CABP1: variants seen among roughly 807,000 people sequenced by gnomAD.
CABP1 encodes calcium-binding protein 1.
In CABP1, 17 loss-of-function variants were observed where a neutral mutation model predicts 34.3. That is an observed-to-expected ratio of 0.50 (90% confidence interval 0.34 to 0.74). The LOEUF is 0.74. CABP1 is among the 30% of genes least tolerant of loss of function. The pLI is 0.01. For missense variants in CABP1, 373 were observed against 511.1 expected, an observed-to-expected ratio of 0.73 and a Z score of 2.61; for synonymous variants, 198 against 229.2, an observed-to-expected ratio of 0.86 and a Z score of 1.23.
rs777033084 is a variant in CABP1, at chr12:120,660,846, G to A, written c.939+6G>A. 31 of 1,599,348 alleles carry A rather than the reference G, an allele frequency of 1.9e-5. No individual in the cohort carries two copies. Among genetic ancestry groups the A allele is most frequent in the East Asian group, 4.5e-5 (2 of 44,814 alleles). ...TGCGAGATGCTTTCCGAGAGGTAACGGACAGAGGCAGGCAGGCATGGGGCG... is the reference window on the plus strand; with the variant it reads ...TGCGAGATGCTTTCCGAGAGGTAACAGACAGAGGCAGGCAGGCATGGGGCG... On this transcript the variant is annotated splice_donor_region_variant and intron_variant, in intron 4 of 5. Coordinates refer to ENST00000316803, the MANE Select transcript of CABP1 (RefSeq NM_001033677.2). This position sits in a 1 kb window ranked among gnomAD's most constrained non-coding sequence, Gnocchi z 5.0.
chr12:120,655,660 T>A, intron 1 of CABP1: 1 of 1,422,518 alleles, frequency 7.0e-7, no homozygotes, highest in Non-Finnish European at 9.2e-7. Flanking sequence ...GACTTAGCCC[T>A]GGAGATTGAC....
chr12:120,652,603 C>T (rs1879915492), intron 1 of CABP1, among the ~76,000 whole-genome samples: 1 of 152,058 alleles, frequency 6.6e-6, no homozygotes, highest in African/African-American at 2.4e-5. Context: ...TCTCTCTTTC[C>T]CCTGCTGTCA....
rs1273472650 is a variant in CABP1 at position 120,667,154 on chromosome 12, G to A, written c.*254G>A. ...CAAGCCGGCAGAGGTCATGCCAGGC[G>A]CCAAGGGCCATGTGCCCAGCTGCTG... On this transcript the variant is annotated 3_prime_UTR_variant, in exon 6 of 6. Coordinates refer to ENST00000316803, the MANE Select transcript of CABP1 (RefSeq NM_001033677.2). The A allele has an allele frequency of 4.4e-5, 25 of 574,684 alleles. No individual in the cohort carries two copies. Among genetic ancestry groups the A allele is most frequent in the African/African-American group, 7.5e-5 (4 of 53,180 alleles). The allele number at this position is 574,684 out of a possible 1,614,324, so 35.6% of individuals were successfully genotyped here.
chr12:120,663,387 G>A (rs1432138070), intron 5 of CABP1, among the ~76,000 whole-genome samples: 1 of 152,010 alleles, frequency 6.6e-6, no homozygotes, highest in Non-Finnish European at 1.5e-5. Context: ...TGATTCTTGT[G>A]GCTCAGCCTC....
intron 1 of CABP1, among the ~76,000 whole-genome samples, chr12:120,649,878 A>G (rs1212015796): frequency 6.6e-6 from 1 of 152,090 alleles, no homozygotes; most frequent in Admixed American, 6.5e-5. Context: ...CAGGCTCTCG[A>G]CTGGAGCCGC....
chr12:120,668,235 G>A (rs1178646577), downstream of CABP1, among the ~76,000 whole-genome samples: 1 of 152,226 alleles, frequency 6.6e-6, no homozygotes, highest in Non-Finnish European at 1.5e-5. Flanking sequence ...CGTGGCTCAT[G>A]CCTGTAATCC....
chr12:120,668,673 G>A (rs1881134630), downstream of CABP1, among the ~76,000 whole-genome samples: 1 of 152,200 alleles, frequency 6.6e-6, no homozygotes, highest in Non-Finnish European at 1.5e-5. Context: ...GCACACCCCA[G>A]GGACTGCTAT....
At chr12:120,665,644 G>A (rs1424736833) in intron 5 of CABP1, among the ~76,000 whole-genome samples, 1 of 152,032 alleles carries the variant, frequency 6.6e-6, no homozygotes, top group African/African-American at 2.4e-5. Flanking sequence ...GGGAGGCTAT[G>A]CGTATGCGGG....
chr12:120,668,059 G>C (rs573060932), downstream of CABP1, among the ~76,000 whole-genome samples: 11 of 152,198 alleles, frequency 7.2e-5, no homozygotes, highest in Non-Finnish European at 1.3e-4. Context: ...CTGCTATTGA[G>C]GAAAAATATA....
intron 1 of CABP1, chr12:120,659,622 GCACAGAGGTTCTGTGCC>G (rs1880494539): frequency 2.2e-6 from 1 of 449,618 alleles, no homozygotes; most frequent in Non-Finnish European, 4.0e-6. Flanking sequence ...GGGGCTGGAG[GCACAGAGGTTCTGTGCC>G]CAGGCTGGTG....
chr12:120,669,489 A>G (rs1010576440), downstream of CABP1, among the ~76,000 whole-genome samples: 3 of 152,224 alleles, frequency 2.0e-5, no homozygotes, highest in Non-Finnish European at 4.4e-5. Context: ...ACCACTCAGG[A>G]TAGACTTAGG....
chr12:120,647,718 C>T (rs145857195), intron 1 of CABP1, among the ~76,000 whole-genome samples: 657 of 150,908 alleles, frequency 4.4e-3, no homozygotes, highest in Middle Eastern at 0.024. Context: ...CAGGCACCTG[C>T]CACCACGCCC....
the CABP1 span, among the ~76,000 whole-genome samples, chr12:120,679,096 A>C: frequency 1.4e-5 from 2 of 145,782 alleles, no homozygotes; most frequent in South Asian, 2.2e-4. Context: ...AAAAAAAACC[A>C]ACTTTAATTT....
chr12:120,641,813 C>T lies in CABP1; in HGVS notation c.654+474C>T, dbSNP rs1879345939. 6.6e-6 allele frequency among the ~76,000 whole-genome samples: 1 copy of T among 152,180 alleles called. No individual in the cohort carries two copies. The highest frequency in any genetic ancestry group is 1.5e-5 in the Non-Finnish European group (1 of 68,026). On this transcript the variant is annotated intron_variant, in intron 1 of 5. Transcript: ENST00000316803. This position sits in a 1 kb window ranked among gnomAD's most constrained non-coding sequence, Gnocchi z 6.7. ...TTACTTGAGGGCGAGGGACACTGGC[C>T]ACTGCCTATCATGTCCCTGAAGGCC...
In CABP1 at chr12:120,661,498, ACCAT is replaced by A. The variant is rs766779534; in HGVS notation, c.1087+297_1087+300del. The stretch of plus-strand genomic sequence containing the variant: ...CATCTACCTATCTATCCATCTGTCC[ACCAT>A]CCATCCATCCATCCATTTATCTACC... On this transcript the variant is annotated intron_variant, in intron 5 of 5. Coordinates refer to ENST00000316803, the MANE Select transcript of CABP1 (RefSeq NM_001033677.2). The surrounding 1 kb of genome is among the most constrained non-coding windows in gnomAD (Gnocchi z 5.1). 69 of 379,774 alleles carry A rather than the reference ACCAT, an allele frequency of 1.8e-4. No homozygotes were observed. Among genetic ancestry groups the A allele is most frequent in the East Asian group, 2.5e-4 (5 of 19,746 alleles). 23.5% of individuals were successfully genotyped at this position (379,774 alleles called of 1,614,324 possible).
chr12:120,666,785 G>A, intron 5 of CABP1, 90 bp from the exon 6 acceptor site: 1 of 1,387,882 alleles, frequency 7.2e-7, no homozygotes, highest in South Asian at 1.2e-5. Context: ...ACAGAGTTGG[G>A]GCAGTGGCAA....
Position 120,642,995 on chromosome 12 carries a change from G to GAAA in CABP1, c.654+1671_654+1673dup, listed in dbSNP as rs55874841. Among the ~76,000 whole-genome samples, 17 of 69,502 alleles carry GAAA rather than the reference G, an allele frequency of 2.4e-4. 1 individual carries two copies. Among genetic ancestry groups the GAAA allele is most frequent in the Non-Finnish European group, 4.2e-4 (17 of 40,822 alleles). The allele number at this position is 69,502 out of a possible 152,430, so 45.6% of individuals were successfully genotyped here. On this transcript the variant is annotated intron_variant, in intron 1 of 5. Transcript: ENST00000316803. The stretch of plus-strand genomic sequence containing the variant: ...TTGCAGCTGATCTGACTCAGCTCCT[G>GAAA]AAAAAAAAAAAAAAAAAGAGTCCTT...
At chr12:120,655,709 G>T in intron 1 of CABP1, 1 of 1,435,486 alleles carries the variant, frequency 7.0e-7, no homozygotes. Flanking sequence ...AAAGGATGTT[G>T]TCTCATTAGG....
intron 1 of CABP1, among the ~76,000 whole-genome samples, chr12:120,647,148 C>T (rs543261308): frequency 6.6e-6 from 1 of 152,282 alleles, no homozygotes; most frequent in Admixed American, 6.5e-5. Flanking sequence ...GAGTTGATGC[C>T]CTGCTGAATA....
Sources: allele counts gnomAD v4.1 joint callset (sites outside exome capture counted in the v4.1 genomes callset), GRCh38; gene constraint gnomAD v4.1.1; non-coding constraint Gnocchi (gnomAD v3.1); transcripts MANE v1.5; gene names NCBI Gene and HGNC (gene_info 2026-07-23, HGNC 2026-07-21).